Variants in GRIK1 observed in about 807,000 individuals in gnomAD.
GRIK1 encodes glutamate receptor ionotropic, kainate 1.
Under a neutral mutation model 105.7 loss-of-function variants are expected in GRIK1, and 69 were observed. The observed-to-expected ratio is 0.65, with a 90% CI of 0.54 to 0.80. The LOEUF is 0.80. Ranked by LOEUF, GRIK1 falls within the 30% of genes least tolerant of loss-of-function variation. GRIK1 has a pLI of 0.00. For missense variants in GRIK1, 1,109 were observed against 1,167.3 expected (o/e 0.95, Z 0.73); for synonymous variants, 438 against 431.3 (o/e 1.02, Z -0.19).
chr21:29,909,538 A>G (rs2070746483), intron 1 of GRIK1, among the ~76,000 whole-genome samples: 1 of 152,118 alleles, frequency 6.6e-6, no homozygotes, highest in Non-Finnish European at 1.5e-5. Flanking sequence ...TATACTCATG[A>G]GTTTGATATC....
rs1334310938 is a variant in GRIK1, at chr21:29,643,035, T to A, written c.955-66A>T. 2.7e-6 allele frequency: 4 copies of A among 1,460,976 alleles called. No homozygotes were observed. The African/African-American group carries it at 5.5e-5, about 20-fold the overall frequency. 90.5% of individuals were successfully genotyped at this position (1,460,976 alleles called of 1,614,324 possible). ...TGCTTACCTTCCTTTACTTGCATAA[T>A]CACTCTCCCTGCTTCCATAGCTCTT... On this transcript the variant is annotated intron_variant, in intron 6 of 17. Transcript: ENST00000327783.
chr21:29,877,735 T>A (rs1169779991), intron 1 of GRIK1, among the ~76,000 whole-genome samples: 1 of 152,192 alleles, frequency 6.6e-6, no homozygotes, highest in African/African-American at 2.4e-5. Flanking sequence ...AACTTAAAGC[T>A]TTTTATTTTG....
intron 1 of GRIK1, among the ~76,000 whole-genome samples, chr21:29,755,619 A>G (rs764464105): frequency 6.6e-6 from 1 of 152,162 alleles, no homozygotes; most frequent in Admixed American, 6.5e-5. Context: ...GCCTCTTTAC[A>G]TGGAGAGATG....
At chr21:29,921,408 T>C (rs1447486287) in intron 1 of GRIK1, among the ~76,000 whole-genome samples, 2 of 152,196 alleles carry the variant, frequency 1.3e-5, no homozygotes, top group African/African-American at 4.8e-5. Context: ...ATTCAAATTG[T>C]TGCCATTCTT....
chr21:29,932,860 A>G (rs1288628186), intron 1 of GRIK1, among the ~76,000 whole-genome samples: 1 of 151,840 alleles, frequency 6.6e-6, no homozygotes, highest in African/African-American at 2.4e-5. Context: ...CCTGGAAAAG[A>G]TATTTTAAGT....
chr21:29,688,495 G>A (rs936797695), intron 3 of GRIK1, among the ~76,000 whole-genome samples: 5 of 151,032 alleles, frequency 3.3e-5, no homozygotes, highest in African/African-American at 1.2e-4. Flanking sequence ...TGTAGATCAA[G>A]GAAAGCAACT....
chr21:29,922,529 C>G (rs1489888663), intron 1 of GRIK1, among the ~76,000 whole-genome samples: 3 of 151,994 alleles, frequency 2.0e-5, no homozygotes, highest in Non-Finnish European at 4.4e-5. Context: ...TGGATGGACA[C>G]TACAAATCTC....
At chr21:29,896,541 T>A (rs2070169200) in intron 1 of GRIK1, among the ~76,000 whole-genome samples, 1 of 152,246 alleles carries the variant, frequency 6.6e-6, no homozygotes, top group Non-Finnish European at 1.5e-5. Context: ...GTATTTTGAA[T>A]GAATGAATTT....
At chr21:29,917,322 T>A (rs546545250) in intron 1 of GRIK1, among the ~76,000 whole-genome samples, 16 of 152,222 alleles carry the variant, frequency 1.1e-4, no homozygotes, top group African/African-American at 3.6e-4. Context: ...TAATTAAGCA[T>A]GTCTCACTTC....
At chr21:29,603,161 G>A (rs529047464) in intron 7 of GRIK1, among the ~76,000 whole-genome samples, 1 of 152,126 alleles carries the variant, frequency 6.6e-6, no homozygotes, top group African/African-American at 2.4e-5. Context: ...ATTGGCCAAA[G>A]CATATTTTCT....
At chr21:29,606,863 G>A (rs1469481256) in intron 7 of GRIK1, among the ~76,000 whole-genome samples, 2 of 152,042 alleles carry the variant, frequency 1.3e-5, no homozygotes, top group African/African-American at 4.8e-5. Flanking sequence ...TCCGTCAGTC[G>A]AGAAGTGCCT....
intron 7 of GRIK1, among the ~76,000 whole-genome samples, chr21:29,619,757 G>A (rs944196274): frequency 5.3e-5 from 8 of 152,152 alleles, no homozygotes; most frequent in Non-Finnish European, 1.0e-4. Flanking sequence ...TTTAATGGAG[G>A]CATGATGGTA....
At chr21:29,899,701 G>A (rs1380410998) in intron 1 of GRIK1, among the ~76,000 whole-genome samples, 2 of 152,068 alleles carry the variant, frequency 1.3e-5, no homozygotes, top group African/African-American at 4.8e-5. Flanking sequence ...GGTGACCAGA[G>A]GGAGGATTTG....
Position 29,541,115 on chromosome 21 carries a change from G to A in GRIK1, c.2608-3231C>T, listed in dbSNP as rs142903507. On this transcript the variant is annotated intron_variant, in intron 16 of 17. Transcript: ENST00000327783. Reference sequence around the variant, plus strand: ...CCCGAGTAGCTGGGACTACAGGTGCGCGCCACCACACGCGGCTAATTTTTG... The same window carrying A: ...CCCGAGTAGCTGGGACTACAGGTGCACGCCACCACACGCGGCTAATTTTTG... 1.4e-4 allele frequency among the ~76,000 whole-genome samples: 21 copies of A among 152,128 alleles called. No homozygotes were observed. The East Asian group carries it at 2.7e-3, about 20-fold the overall frequency.
chr21:29,601,518 C>T (rs1414648384), intron 7 of GRIK1, among the ~76,000 whole-genome samples: 1 of 152,220 alleles, frequency 6.6e-6, no homozygotes, highest in Non-Finnish European at 1.5e-5. Context: ...TTTCCTACCA[C>T]CGCTCCCCTA....
intron 1 of GRIK1, among the ~76,000 whole-genome samples, chr21:29,785,619 T>C (rs999845917): frequency 3.7e-4 from 55 of 149,370 alleles, no homozygotes; most frequent in Non-Finnish European, 2.7e-4. Flanking sequence ...TTTTTGTTCA[T>C]ATACTTTTTG....
chr21:29,694,025 C>A lies in GRIK1; in HGVS notation c.157G>T (p.Val53Phe). 3 of 1,612,306 alleles carry A rather than the reference C, an allele frequency of 1.9e-6. No individual in the cohort carries two copies. Among genetic ancestry groups the A allele is most frequent in the Non-Finnish European group, 2.5e-6 (3 of 1,178,898 alleles). Residue 53 changes from valine (V) to phenylalanine (F), a missense_variant, in exon 2 of 18, where the codon GTT becomes TTT. Coordinates refer to ENST00000327783, the MANE Select transcript of GRIK1 (RefSeq NM_001330994.2). ...FETVENEPVNVEELAFKFAVT... is the reference protein window; with the variant it reads ...FETVENEPVNFEELAFKFAVT... Reference sequence around the variant, plus strand: ...GCAAACTTGAAAGCTAATTCTTCAACATTAACAGGCTCATTTTCCACTGTT... The same window carrying A: ...GCAAACTTGAAAGCTAATTCTTCAAAATTAACAGGCTCATTTTCCACTGTT...
chr21:29,833,412 A>G (rs748629871), intron 1 of GRIK1, among the ~76,000 whole-genome samples: 5 of 152,162 alleles, frequency 3.3e-5, no homozygotes, highest in Admixed American at 2.0e-4. Flanking sequence ...TCATTGCTGT[A>G]AAGAACCATC....
intron 1 of GRIK1, among the ~76,000 whole-genome samples, chr21:29,759,628 G>A (rs927933683): frequency 1.3e-5 from 2 of 152,232 alleles, no homozygotes; most frequent in African/African-American, 4.8e-5. Context: ...GGAAGATGTG[G>A]AGAGGGAGAA....
Sources: allele counts gnomAD v4.1 joint callset (sites outside exome capture counted in the v4.1 genomes callset), GRCh38; gene constraint gnomAD v4.1.1; transcripts MANE v1.5; gene names NCBI Gene and HGNC (gene_info 2026-07-23, HGNC 2026-07-21).